ALG9: variants seen among roughly 807,000 people sequenced by gnomAD.
ALG9 encodes the protein alpha-1,2-mannosyltransferase ALG9.
A neutral mutation model predicts 81.8 loss-of-function variants in ALG9; 55 were observed. The observed-to-expected ratio is 0.67, with a 90% CI of 0.54 to 0.84. The LOEUF is 0.84. Among genes scored for constraint, ALG9 ranks in the 40% least tolerant of loss-of-function variants. The pLI, the probability that ALG9 is intolerant of heterozygous loss-of-function variation, is 0.00. For synonymous variants in ALG9, 278 were observed against 274.3 expected (o/e 1.01, Z -0.13); for missense variants, 629 against 745.0 (o/e 0.84, Z 1.81).
intron 14 of ALG9, among the ~76,000 whole-genome samples, chr11:111,787,347 T>C (rs1946632143): frequency 2.0e-5 from 3 of 151,980 alleles, no homozygotes; most frequent in Admixed American, 1.3e-4. Flanking sequence ...ACAGGAGAAT[T>C]GCTTGAACCC....
chr11:111,813,920 T>C (rs1038070522), intron 13 of ALG9, among the ~76,000 whole-genome samples: 1 of 152,240 alleles, frequency 6.6e-6, no homozygotes, highest in Non-Finnish European at 1.5e-5. Flanking sequence ...ATTGAACATA[T>C]GTATTTCCTA....
chr11:111,856,181 G>A (rs1391339732), intron 6 of ALG9, among the ~76,000 whole-genome samples: 1 of 150,310 alleles, frequency 6.7e-6, no homozygotes, highest in Non-Finnish European at 1.5e-5. Context: ...GGAGGCTGAG[G>A]CAGGAGAATT....
intron 5 of ALG9, among the ~76,000 whole-genome samples, chr11:111,860,346 G>A (rs1321783912): frequency 6.6e-6 from 1 of 152,172 alleles, no homozygotes. Flanking sequence ...TACATGGTAG[G>A]ATTGTTACAA....
At chr11:111,809,597 TA>T (rs1555089021) in intron 14 of ALG9, 45 bp downstream of exon 14, 1 of 1,612,174 alleles carries the variant, frequency 6.2e-7, no homozygotes, top group Non-Finnish European at 8.5e-7. Flanking sequence ...ATCCAATTTT[TA>T]CCCATACTAG....
chr11:111,807,250 A>G (rs1950059329), intron 14 of ALG9, among the ~76,000 whole-genome samples: 1 of 152,162 alleles, frequency 6.6e-6, no homozygotes, highest in African/African-American at 2.4e-5. Flanking sequence ...GCTCTTTATA[A>G]CCTGCACTCT....
At chr11:111,833,937 C>T (rs1401087311) in intron 13 of ALG9, among the ~76,000 whole-genome samples, 1 of 152,162 alleles carries the variant, frequency 6.6e-6, no homozygotes, top group Non-Finnish European at 1.5e-5. Flanking sequence ...ATTTTCTAGC[C>T]AGCTTTCTCT....
chr11:111,849,188 T>TTTTTAG (rs1957376434), intron 8 of ALG9, among the ~76,000 whole-genome samples: 1 of 152,012 alleles, frequency 6.6e-6, no homozygotes, highest in African/African-American at 2.4e-5. Flanking sequence ...GTAGCTAGGA[T>TTTTTAG]TAAAGGCATG....
chr11:111,777,402 C>T (rs1036832112), downstream of ALG9, among the ~76,000 whole-genome samples: 1 of 152,170 alleles, frequency 6.6e-6, no homozygotes, highest in Admixed American at 6.5e-5. Flanking sequence ...GGAATTACAT[C>T]AAAAACTGAC....
chr11:111,799,592 T>C (rs1431370599), intron 14 of ALG9, among the ~76,000 whole-genome samples: 1 of 152,100 alleles, frequency 6.6e-6, no homozygotes, highest in Non-Finnish European at 1.5e-5. Flanking sequence ...AAGTAAACCA[T>C]GGGCAAATCC....
chr11:111,804,133 A>C (rs1459049984), intron 14 of ALG9, among the ~76,000 whole-genome samples: 1 of 16,180 alleles, frequency 6.2e-5, no homozygotes, highest in African/African-American at 8.7e-4. Flanking sequence ...ACTCCATCTC[A>C]AAAAAAAAAA....
At chr11:111,811,921 T>C (rs2136448587) in intron 13 of ALG9, among the ~76,000 whole-genome samples, 1 of 152,260 alleles carries the variant, frequency 6.6e-6, no homozygotes, top group East Asian at 1.9e-4. Context: ...TGGATACTGG[T>C]GAGAGTTGTA....
chr11:111,768,141 AC>A, the ALG9 span, among the ~76,000 whole-genome samples: 7 of 152,218 alleles, frequency 4.6e-5, no homozygotes, highest in African/African-American at 1.7e-4. Context: ...ATGAGATTGC[AC>A]TATTTGGTAG....
At position 111,804,306 on chromosome 11, in the gene ALG9, A is replaced by T. The variant is rs896202685; in HGVS notation, c.1733+5337T>A. Reference sequence around the variant, plus strand: ...TGAGAAGATGGACTTCATTAAAATAAAATATTTCTGCTCTGTGAAAGACAC... The same window carrying T: ...TGAGAAGATGGACTTCATTAAAATATAATATTTCTGCTCTGTGAAAGACAC... On this transcript the variant is annotated intron_variant, in intron 14 of 14. Coordinates refer to ENST00000616540, the MANE Select transcript of ALG9 (RefSeq NM_024740.2). 2.6e-5 allele frequency among the ~76,000 whole-genome samples: 4 copies of T among 152,226 alleles called. No homozygotes were observed. In the East Asian group the frequency reaches 5.8e-4, roughly 22 times the overall value.
At chr11:111,801,350 A>G (rs1949098845) in intron 14 of ALG9, among the ~76,000 whole-genome samples, 2 of 152,240 alleles carry the variant, frequency 1.3e-5, no homozygotes, top group South Asian at 4.1e-4. Context: ...TGCTGTGGCA[A>G]AATTGGCTGT....
At chr11:111,836,102 C>T (rs1229024469) in intron 13 of ALG9, 63 bp downstream of exon 13, 10 of 1,607,312 alleles carry the variant, frequency 6.2e-6, no homozygotes, top group South Asian at 1.1e-5. Flanking sequence ...CTAATATACA[C>T]ACCAACAGAC....
intron 8 of ALG9, among the ~76,000 whole-genome samples, chr11:111,850,986 G>A (rs1957714468): frequency 6.6e-6 from 1 of 151,980 alleles, no homozygotes; most frequent in Admixed American, 6.6e-5. Flanking sequence ...AAGTCCCAAG[G>A]ACTCTTTCCC....
At chr11:111,842,693 G>A (rs1956406132) in intron 9 of ALG9, among the ~76,000 whole-genome samples, 1 of 151,748 alleles carries the variant, frequency 6.6e-6, no homozygotes. Flanking sequence ...CAAAATACTG[G>A]GATTATAGGC....
At chr11:111,835,426 T>C (rs1592163200) in intron 13 of ALG9, among the ~76,000 whole-genome samples, 1 of 152,236 alleles carries the variant, frequency 6.6e-6, no homozygotes. Flanking sequence ...GAGAAGATCA[T>C]GGCCCTGACA....
chr11:111,854,696 GTTT>G (rs2137067610), intron 6 of ALG9, among the ~76,000 whole-genome samples: 1 of 152,228 alleles, frequency 6.6e-6, no homozygotes, highest in Non-Finnish European at 1.5e-5. Context: ...AACATTTTGC[GTTT>G]TTATTTTTTG....
Sources: allele counts gnomAD v4.1 joint callset (sites outside exome capture counted in the v4.1 genomes callset), GRCh38; gene constraint gnomAD v4.1.1; transcripts MANE v1.5; gene names NCBI Gene and HGNC (gene_info 2026-07-23, HGNC 2026-07-21).